Variants in EPCAM observed in about 807,000 individuals in gnomAD.
EPCAM encodes the protein adenocarcinoma-associated antigen.
Under a neutral mutation model 40.0 loss-of-function variants are expected in EPCAM, and 39 were observed. The ratio of observed to expected loss-of-function variants is 0.98; its 90% CI spans 0.76 to 1.27. EPCAM has a LOEUF of 1.27. EPCAM is among the 50% of genes most tolerant of loss of function. EPCAM has a pLI of 0.00. For synonymous variants in EPCAM, 168 were observed against 132.3 expected, an observed-to-expected ratio of 1.27 and a Z score of -1.85; for missense variants, 503 against 381.2, an observed-to-expected ratio of 1.32 and a Z score of -2.66.
chr2:47,385,007 G>T (rs1308388876), intron 7 of EPCAM, among the ~76,000 whole-genome samples, 159 bp from the exon 8 acceptor site: 1 of 152,148 alleles, frequency 6.6e-6, no homozygotes, highest in African/African-American at 2.4e-5. Context: ...CCACTGGTGT[G>T]AAATTTTTAA....
At position 47,369,384 on chromosome 2, in the gene EPCAM, C is replaced by A; in HGVS notation, c.-122C>A. ...GACCCCCTCGTCGCTGTCCTCCCGA[C>A]GCGGACCCGCGTGCCCCAGGCCTCG... On this transcript the variant is annotated 5_prime_UTR_variant, in exon 1 of 9. Coordinates refer to ENST00000263735, the MANE Select transcript of EPCAM (RefSeq NM_002354.3). 1 of 1,194,160 alleles carries A rather than the reference C, an allele frequency of 8.4e-7. No individual in the cohort carries two copies. The highest frequency in any genetic ancestry group is 1.1e-6 in the Non-Finnish European group (1 of 915,606). 74.0% of individuals were successfully genotyped at this position (1,194,160 alleles called of 1,614,324 possible). A position where few individuals can be genotyped will look rare whatever the true frequency, so the allele number is the denominator to read the frequency against.
Position 47,373,895 on chromosome 2 carries a change from A to G in EPCAM, c.272A>G (p.Asn91Ser), listed in dbSNP as rs755230402. 23 of 1,614,066 alleles carry G rather than the reference A, an allele frequency of 1.4e-5. No individual in the cohort carries two copies. The highest frequency in any genetic ancestry group is 1.8e-5 in the Non-Finnish European group (21 of 1,180,032). ...AAACCTGAAGGGGCCCTCCAGAACA[A>G]TGATGGGCTTTATGATCCTGACTGC... ...RAKPEGALQN[N>S]DGLYDPDCDE... is the part of the protein sequence containing the mutation. The change falls in exon 3 of 9, where the codon AAT (asparagine) becomes AGT (serine). Residue 91 changes from asparagine to serine, a missense_variant. Coordinates refer to ENST00000263735, the MANE Select transcript of EPCAM (RefSeq NM_002354.3).
chr2:47,378,288 C>G (rs1573398504), intron 5 of EPCAM, among the ~76,000 whole-genome samples: 1 of 146,964 alleles, frequency 6.8e-6, no homozygotes, highest in Non-Finnish European at 1.5e-5. Context: ...CCTTGCATTT[C>G]TTTTTCTTTT....
At chr2:47,369,904 C>T (rs1671178038) in intron 1 of EPCAM, 2 of 454,044 alleles carry the variant, frequency 4.4e-6, no homozygotes, top group Non-Finnish European at 8.4e-6. Context: ...TGCCTCGCGC[C>T]CTGGCGCACC....
chr2:47,371,348 T>A (rs1306248032), intron 1 of EPCAM, among the ~76,000 whole-genome samples: 1 of 150,998 alleles, frequency 6.6e-6, no homozygotes, highest in African/African-American at 2.4e-5. Context: ...GCGTCCTCCA[T>A]TTCCCAGGCT....
At chr2:47,376,716 C>G (rs1390348305) in intron 4 of EPCAM, among the ~76,000 whole-genome samples, 2 of 152,106 alleles carry the variant, frequency 1.3e-5, no homozygotes, top group East Asian at 3.9e-4. Context: ...GTGGTATCCA[C>G]CAGGTTTTTC....
At chr2:47,378,400 C>A (rs1671485710) in intron 5 of EPCAM, among the ~76,000 whole-genome samples, 1 of 148,650 alleles carries the variant, frequency 6.7e-6, no homozygotes, top group Non-Finnish European at 1.5e-5. Context: ...CTCCCAGGTT[C>A]AAGCGATTCT....
intron 7 of EPCAM, among the ~76,000 whole-genome samples, chr2:47,384,879 G>A (rs1191263343): frequency 6.6e-6 from 1 of 152,026 alleles, no homozygotes; most frequent in Non-Finnish European, 1.5e-5. Context: ...GCTAATTTTT[G>A]TATTTGTAGT....
rs959607406 is a variant in EPCAM, at chr2:47,369,370, C to A, written c.-136C>A. On this transcript the variant is annotated 5_prime_UTR_variant, in exon 1 of 9. Transcript: ENST00000263735. ...CGACGCGGTCCGGGGACCCCCTCGT[C>A]GCTGTCCTCCCGACGCGGACCCGCG... 3.2e-5 allele frequency: 38 copies of A among 1,193,884 alleles called. No individual in the cohort carries two copies. The highest frequency in any genetic ancestry group is 3.9e-5 in the Non-Finnish European group (36 of 913,666). 74.0% of individuals were successfully genotyped at this position (1,193,884 alleles called of 1,614,324 possible).
At chr2:47,372,378 C>G (rs1671293369) in intron 1 of EPCAM, among the ~76,000 whole-genome samples, 1 of 151,960 alleles carries the variant, frequency 6.6e-6, no homozygotes, top group Non-Finnish European at 1.5e-5. Flanking sequence ...TGGCTCACGT[C>G]TGTAATCCCA....
intron 1 of EPCAM, among the ~76,000 whole-genome samples, chr2:47,372,032 G>A (rs1671283631): frequency 6.6e-6 from 1 of 152,126 alleles, no homozygotes; most frequent in South Asian, 2.1e-4. Context: ...CCTATTCGAA[G>A]TTAAATGAAC....
intron 7 of EPCAM, among the ~76,000 whole-genome samples, chr2:47,380,374 G>GA (rs1158351476): frequency 3.9e-5 from 6 of 151,938 alleles, no homozygotes; most frequent in East Asian, 1.9e-4. Flanking sequence ...AACATTCAGG[G>GA]AAAAAAATCT....
intron 3 of EPCAM, among the ~76,000 whole-genome samples, chr2:47,375,012 T>C (rs1297119639): frequency 6.6e-6 from 1 of 152,214 alleles, no homozygotes; most frequent in Non-Finnish European, 1.5e-5. Context: ...TGTGACTTTA[T>C]GTATTGTGTC....
chr2:47,369,937 C>G, intron 1 of EPCAM: 1 of 390,252 alleles, frequency 2.6e-6, no homozygotes, highest in Non-Finnish European at 5.0e-6. Flanking sequence ...TCGGGGTGGA[C>G]TTGGGGTTCC....
rs1411022347 is a variant in EPCAM, at chr2:47,373,476, A to AAACTAC, written c.93_98dup (p.Asn31_Tyr32dup). ...TTAATTTTCTAGAATGTGTCTGTGA[A>AAACTAC]AACTACAAGCTGGCCGTAAACTGCT... is the stretch of plus-strand genomic sequence containing the variant. On this transcript the variant is annotated inframe_insertion, in exon 2 of 9. Coordinates refer to ENST00000263735, the MANE Select transcript of EPCAM (RefSeq NM_002354.3). 1.2e-6 allele frequency: 2 copies of AAACTAC among 1,611,872 alleles called. No individual in the cohort carries two copies. The highest frequency in any genetic ancestry group is 2.2e-5 in the South Asian group (2 of 90,938).
intron 3 of EPCAM, among the ~76,000 whole-genome samples, chr2:47,374,658 T>C (rs1035488816): frequency 1.3e-5 from 2 of 152,144 alleles, no homozygotes; most frequent in Non-Finnish European, 2.9e-5. Flanking sequence ...TCTTTTTTTT[T>C]CGAGATGGAA....
rs373605377 is a variant in EPCAM, at chr2:47,373,570, C to A, written c.184C>A (p.Leu62Met). Residue 62 changes from leucine (L) to methionine (M), a missense_variant and splice_region_variant, in exon 2 of 9, where the codon CTG becomes ATG. Leu to Met is a conservative substitution (Grantham distance 15, BLOSUM62 2). Coordinates refer to ENST00000263735, the MANE Select transcript of EPCAM (RefSeq NM_002354.3). ...GAQNTVICSK[L>M]AAKCLVMKAE... ...ACAAAATACTGTCATTTGCTCAAAG[C>A]GTGAGTAAAATATCCTAATTACCTG... is the stretch of plus-strand genomic sequence containing the variant. 1 of 1,598,020 alleles carries A rather than the reference C, an allele frequency of 6.3e-7. No homozygotes were observed. The highest frequency in any genetic ancestry group is 1.1e-5 in the South Asian group (1 of 90,796).
chr2:47,371,041 C>T (rs1354003848), intron 1 of EPCAM, among the ~76,000 whole-genome samples: 3 of 151,950 alleles, frequency 2.0e-5, no homozygotes, highest in Admixed American at 6.6e-5. Flanking sequence ...GACGACATCT[C>T]ACTATGTTGC....
chr2:47,379,924 T>G lies in EPCAM; in HGVS notation c.813T>G (p.Val271=). 2 of 1,614,090 alleles carry G rather than the reference T, an allele frequency of 1.2e-6. No homozygotes were observed. Among genetic ancestry groups the G allele is most frequent in the Non-Finnish European group, 1.7e-6 (2 of 1,179,984 alleles). ...GTCTAAAAGCTGGTGTTATTGCTGT[T>G]ATTGTGGTTGTGGTGATAGCAGTTG... ...MQGLKAGVIA[V]IVVVVIAVVA... The change falls in exon 7 of 9, where the codon GTT becomes GTG. Residue 271 remains valine (V), a synonymous_variant. Transcript: ENST00000263735.
Sources: allele counts gnomAD v4.1 joint callset (sites outside exome capture counted in the v4.1 genomes callset), GRCh38; gene constraint gnomAD v4.1.1; transcripts MANE v1.5; gene names NCBI Gene and HGNC (gene_info 2026-07-23, HGNC 2026-07-21).